Variants in LYPLAL1 observed in about 807,000 individuals in gnomAD.
LYPLAL1 encodes lysophospholipase-like protein 1.
LYPLAL1 carries 23 observed loss-of-function variants against 19.7 expected under a neutral mutation model. The observed-to-expected ratio is 1.17, with a 90% CI of 0.84 to 1.65. The LOEUF (loss-of-function observed/expected upper bound fraction) is 1.65, where lower values mean the gene tolerates loss of function less well. Among genes scored for constraint, LYPLAL1 ranks in the 40% most tolerant of loss-of-function variants. The pLI, the probability that LYPLAL1 is intolerant of heterozygous loss-of-function variation, is 0.00. For missense variants in LYPLAL1, 355 were observed against 279.4 expected (o/e 1.27, Z -1.93); for synonymous variants, 119 against 96.3 (o/e 1.24, Z -1.38).
At chr1:219,210,886 G>A (rs893353453) in intron 4 of LYPLAL1, among the ~76,000 whole-genome samples, 45 of 152,180 alleles carry the variant, frequency 3.0e-4, no homozygotes, top group African/African-American at 1.0e-3. Flanking sequence ...AAGGAGGAAA[G>A]GATAATCATG....
intron 3 of LYPLAL1, among the ~76,000 whole-genome samples, chr1:219,195,041 A>G (rs1657494702): frequency 6.6e-6 from 1 of 152,028 alleles, no homozygotes; most frequent in Admixed American, 6.6e-5. Context: ...GTTCAAATCT[A>G]CAGTCCACCA....
chr1:219,380,990 A>G, the LYPLAL1 span, among the ~76,000 whole-genome samples: 1 of 152,322 alleles, frequency 6.6e-6, no homozygotes, highest in East Asian at 1.9e-4. Flanking sequence ...ATCAAAGAGG[A>G]AACAAAAGTA....
chr1:219,408,089 G>A, the LYPLAL1 span, among the ~76,000 whole-genome samples: 2 of 152,094 alleles, frequency 1.3e-5, no homozygotes, highest in African/African-American at 4.8e-5. Flanking sequence ...AACATGTCAG[G>A]TGTTTACATC....
chr1:219,415,812 T>C, the LYPLAL1 span, among the ~76,000 whole-genome samples: 1 of 152,232 alleles, frequency 6.6e-6, no homozygotes, highest in Non-Finnish European at 1.5e-5. Flanking sequence ...TGCCTCTTCC[T>C]AGATTTTGGT....
chr1:219,393,316 A>G, the LYPLAL1 span, among the ~76,000 whole-genome samples: 1 of 152,192 alleles, frequency 6.6e-6, no homozygotes, highest in Non-Finnish European at 1.5e-5. Context: ...TCTGCTGGTC[A>G]TACTGGAAGA....
chr1:219,435,384 G>C, the LYPLAL1 span: 1 of 152,128 alleles, frequency 6.6e-6, no homozygotes. Flanking sequence ...TCTAAAGACA[G>C]TTCCTTCTCC....
At chr1:219,290,773 C>T in the LYPLAL1 span, among the ~76,000 whole-genome samples, 133 of 152,316 alleles carry the variant, frequency 8.7e-4, 1 homozygote, top group East Asian at 0.018. Context: ...CCCTCTCTTG[C>T]AGTCTGGATT....
intron 2 of LYPLAL1, among the ~76,000 whole-genome samples, chr1:219,191,841 A>C (rs1377855594): frequency 6.6e-6 from 1 of 151,650 alleles, no homozygotes; most frequent in African/African-American, 2.4e-5. Context: ...TATCCATTTA[A>C]ATTTTAGAAA....
the LYPLAL1 span, among the ~76,000 whole-genome samples, chr1:219,246,189 C>T: frequency 2.0e-5 from 3 of 152,004 alleles, no homozygotes; most frequent in Admixed American, 6.6e-5. Flanking sequence ...AGATGCCATC[C>T]GTGGTCCGTA....
chr1:219,285,037 C>A, the LYPLAL1 span, among the ~76,000 whole-genome samples: 5 of 152,178 alleles, frequency 3.3e-5, no homozygotes, highest in Non-Finnish European at 7.3e-5. Flanking sequence ...AGTGTCTACA[C>A]AGTTAAGAAG....
chr1:219,193,239 A>C lies in LYPLAL1; in HGVS notation c.349A>C (p.Arg117=), dbSNP rs2125066385. ...EEVKSGIKKN[R]ILIGGFSMGG... ...AGTAAAAAGTGGCATCAAGAAGAAC[A>C]GGATATTAATAGGTAAGACCTTTAA... The change falls in exon 3 of 5, where the codon AGG becomes CGG. Residue 117 remains arginine, a synonymous_variant. Coordinates refer to ENST00000366928, the MANE Select transcript of LYPLAL1 (RefSeq NM_138794.5). 3 of 1,609,366 alleles carry C rather than the reference A, an allele frequency of 1.9e-6. No individual in the cohort carries two copies. The highest frequency in any genetic ancestry group is 1.7e-6 in the Non-Finnish European group (2 of 1,177,036).
rs1412953592 is a variant in LYPLAL1 at position 219,173,923 on chromosome 1, C to G, written c.33C>G (p.Arg11=). 3.7e-6 allele frequency: 6 copies of G among 1,613,688 alleles called. No homozygotes were observed. The South Asian group carries it at 5.5e-5, about 15-fold the overall frequency. Residue 11 remains arginine, a synonymous_variant, in exon 1 of 5, where the codon CGC becomes CGG. Transcript: ENST00000366928. ...CTGCGTCGGGGTCGGTTCTGCAGCG[C>G]TGTATCGTGTCGCCGGCAGGGAGGC... The part of the protein sequence containing the change: MAAASGSVLQ[R]CIVSPAGRHS...
chr1:219,382,256 A>G, the LYPLAL1 span, among the ~76,000 whole-genome samples: 1 of 152,210 alleles, frequency 6.6e-6, no homozygotes, highest in Admixed American at 6.5e-5. Flanking sequence ...AAAGAACTGG[A>G]AAGTCTCAAT....
the LYPLAL1 span, among the ~76,000 whole-genome samples, chr1:219,362,359 C>T: frequency 6.6e-6 from 1 of 152,142 alleles, no homozygotes; most frequent in Non-Finnish European, 1.5e-5. Flanking sequence ...ATAGAGTACT[C>T]CTCTCCTTCA....
chr1:219,246,352 T>A, the LYPLAL1 span, among the ~76,000 whole-genome samples: 1 of 152,110 alleles, frequency 6.6e-6, no homozygotes, highest in Non-Finnish European at 1.5e-5. Flanking sequence ...TTCATTAACA[T>A]ATCTAAAGTC....
the LYPLAL1 span, among the ~76,000 whole-genome samples, chr1:219,274,200 C>G: frequency 6.6e-6 from 1 of 152,150 alleles, no homozygotes; most frequent in African/African-American, 2.4e-5. Context: ...TGGAGTCAAT[C>G]GTTTCCGGCA....
the LYPLAL1 span, chr1:219,271,439 A>G: frequency 6.7e-6 from 1 of 149,842 alleles, no homozygotes; most frequent in African/African-American, 2.5e-5. Flanking sequence ...TTTTCTAACT[A>G]AAAGACCGGC....
the LYPLAL1 span, among the ~76,000 whole-genome samples, chr1:219,267,570 C>T: frequency 2.6e-5 from 4 of 152,326 alleles, no homozygotes; most frequent in East Asian, 3.9e-4. Context: ...ATGCCTCTCA[C>T]ATTTCAGGCC....
chr1:219,325,030 G>A, the LYPLAL1 span, among the ~76,000 whole-genome samples: 2 of 152,228 alleles, frequency 1.3e-5, no homozygotes, highest in African/African-American at 4.8e-5. Context: ...ACTGAGGCTA[G>A]TTCCTATGGG....
Sources: gnomAD v4.1 joint callset for allele counts (sites outside exome capture counted in the v4.1 genomes callset) on GRCh38, gnomAD v4.1.1 for gene constraint, MANE v1.5 for transcripts, NCBI Gene and HGNC (gene_info 2026-07-23, HGNC 2026-07-21) for gene names.